The following MAP4 variants were observed in gnomAD, a reference collection of about 807,000 sequenced individuals.
The protein encoded by MAP4 is microtubule-associated protein 4.
MAP4 carries 76 observed loss-of-function variants against 170.2 expected under a neutral mutation model. The observed-to-expected ratio is 0.45, with a 90% confidence interval of 0.37 to 0.54. MAP4 has a LOEUF of 0.54. MAP4 is among the 20% of genes least tolerant of loss of function. MAP4 has a pLI of 0.00. For missense variants in MAP4, 2,506 were observed against 2,748.0 expected, an observed-to-expected ratio of 0.91 and a Z score of 1.97; for synonymous variants, 909 against 994.5, an observed-to-expected ratio of 0.91 and a Z score of 1.62.
At chr3:48,046,165 T>A (rs919170908) in intron 1 of MAP4, among the ~76,000 whole-genome samples, 1 of 152,130 alleles carries the variant, frequency 6.6e-6, no homozygotes, top group Admixed American at 6.5e-5. Flanking sequence ...TCCACTGTTG[T>A]TACTTTTTGG....
chr3:47,946,686 A>G (rs1318274778), intron 3 of MAP4, among the ~76,000 whole-genome samples: 1 of 150,798 alleles, frequency 6.6e-6, no homozygotes, highest in Non-Finnish European at 1.5e-5. Context: ...AAAAGAAGCA[A>G]CTATTAACAA....
chr3:47,891,945 C>T, intron 10 of MAP4: 1 of 1,536,186 alleles, frequency 6.5e-7, no homozygotes, highest in Non-Finnish European at 8.7e-7. Flanking sequence ...GGGTTCCAAA[C>T]ACTGGTTTCC....
chr3:48,059,754 G>T (rs577282674), intron 1 of MAP4, among the ~76,000 whole-genome samples: 6 of 151,640 alleles, frequency 4.0e-5, no homozygotes, highest in Admixed American at 6.6e-5. Flanking sequence ...TGAGGCAGGC[G>T]GATTGCCTGA....
intron 2 of MAP4, among the ~76,000 whole-genome samples, chr3:47,985,298 C>T (rs2100087974): frequency 6.6e-6 from 1 of 151,600 alleles, no homozygotes. Context: ...ATTAACCAGG[C>T]ATGGTGGTGC....
At chr3:47,952,477 C>T (rs1181621637) in intron 3 of MAP4, among the ~76,000 whole-genome samples, 5 of 151,950 alleles carry the variant, frequency 3.3e-5, no homozygotes, top group African/African-American at 9.7e-5. Context: ...ATTGAGAAAT[C>T]GGATGGTTGC....
intron 4 of MAP4, among the ~76,000 whole-genome samples, chr3:47,927,158 CAAA>C (rs544565652): frequency 4.7e-5 from 5 of 105,716 alleles, no homozygotes; most frequent in African/African-American, 3.3e-5. Context: ...GACTCTGTCT[CAAA>C]AAAAAAAAAA....
chr3:47,919,344 G>A (rs532637984), intron 5 of MAP4, among the ~76,000 whole-genome samples: 1 of 152,088 alleles, frequency 6.6e-6, no homozygotes, highest in South Asian at 2.1e-4. Context: ...GTCTCGCACT[G>A]TCGCCTGGGC....
chr3:47,881,644 CTTTTT>C (rs1204955094), intron 10 of MAP4, among the ~76,000 whole-genome samples: 11 of 147,008 alleles, frequency 7.5e-5, no homozygotes, highest in Admixed American at 4.7e-4. Context: ...ATTTTTTTTT[CTTTTT>C]AAGACAGGTG....
intron 3 of MAP4, among the ~76,000 whole-genome samples, chr3:47,938,069 T>C (rs781744841): frequency 6.6e-6 from 1 of 151,966 alleles, no homozygotes; most frequent in Non-Finnish European, 1.5e-5. Context: ...CTTACTTTTA[T>C]TTTATTGAGA....
At chr3:48,072,021 G>C (rs563023368) in intron 1 of MAP4, among the ~76,000 whole-genome samples, 1 of 152,008 alleles carries the variant, frequency 6.6e-6, no homozygotes, top group East Asian at 1.9e-4. Flanking sequence ...AGGAGTTCGA[G>C]ACCAGCCTGG....
At chr3:48,086,774 C>T (rs2100149269) in intron 1 of MAP4, among the ~76,000 whole-genome samples, 3 of 152,186 alleles carry the variant, frequency 2.0e-5, no homozygotes, top group Admixed American at 2.0e-4. Flanking sequence ...GGTCAGTGGA[C>T]AATTAAATCC....
intron 1 of MAP4, among the ~76,000 whole-genome samples, chr3:48,060,479 G>A (rs2100134590): frequency 6.6e-6 from 1 of 152,132 alleles, no homozygotes; most frequent in Non-Finnish European, 1.5e-5. Flanking sequence ...AAAACATGAT[G>A]TAGGAAAGAA....
chr3:47,995,195 G>A (rs1335846880), intron 2 of MAP4, among the ~76,000 whole-genome samples: 1 of 151,108 alleles, frequency 6.6e-6, no homozygotes, highest in African/African-American at 2.4e-5. Flanking sequence ...CTCAACATAA[G>A]CTTTTGCAAC....
chr3:47,977,785 A>G (rs1001277141), intron 3 of MAP4, 80 bp downstream of exon 3: 2 of 930,254 alleles, frequency 2.1e-6, no homozygotes, highest in Non-Finnish European at 3.5e-6. Context: ...TCCATTAATA[A>G]TGCTCTTCAA....
rs1352743304 is a variant in MAP4 at position 47,875,917 on chromosome 3, GTTTATTTTTTATT to G, written c.5542-30_5542-18del. ...GGCCAAAGGCTTTAGGTTGATTGTTGTTTATTTTTTATTTTTATTTTTTAAAGGGCAACATCAA... is the reference window on the plus strand; with the variant it reads ...GGCCAAAGGCTTTAGGTTGATTGTTGTTTATTTTTTAAAGGGCAACATCAA... On this transcript the variant is annotated intron_variant, in intron 11 of 20. Transcript: ENST00000683076. The G allele has an allele frequency of 1.2e-5, 19 of 1,553,270 alleles. No individual in the cohort carries two copies. The highest frequency in any genetic ancestry group is 3.6e-5 in the South Asian group (3 of 82,446).
At chr3:47,950,296 A>G (rs533915761) in intron 3 of MAP4, among the ~76,000 whole-genome samples, 1 of 152,260 alleles carries the variant, frequency 6.6e-6, no homozygotes, top group East Asian at 1.9e-4. Flanking sequence ...TCCAGACTGA[A>G]CCCTGATCCA....
chr3:47,977,816 A>G (rs1025566728), intron 3 of MAP4, 49 bp downstream of exon 3: 2 of 1,226,360 alleles, frequency 1.6e-6, no homozygotes, highest in African/African-American at 1.5e-5. Flanking sequence ...CAAGGTGTTC[A>G]TTGTAAGTGC....
intron 12 of MAP4, among the ~76,000 whole-genome samples, chr3:47,873,517 G>A (rs2094208220): frequency 6.6e-6 from 1 of 152,204 alleles, no homozygotes; most frequent in Non-Finnish European, 1.5e-5. Flanking sequence ...GGAGGTACTA[G>A]AAATTAAGGG....
chr3:47,941,550 G>T (rs1012461596), intron 3 of MAP4, among the ~76,000 whole-genome samples: 1 of 151,748 alleles, frequency 6.6e-6, no homozygotes, highest in African/African-American at 2.4e-5. Context: ...GGCCGAGGTG[G>T]GCGGATCAAG....
Sources: allele counts gnomAD v4.1 joint callset (sites outside exome capture counted in the v4.1 genomes callset), GRCh38; gene constraint gnomAD v4.1.1; transcripts MANE v1.5; gene names NCBI Gene and HGNC (gene_info 2026-07-23, HGNC 2026-07-21).